Variants in MITF observed in about 807,000 individuals in gnomAD.
MITF encodes the protein microphthalmia-associated transcription factor.
A neutral mutation model predicts 60.5 loss-of-function variants in MITF; 17 were observed. The ratio of observed to expected loss-of-function variants is 0.28; its 90% CI spans 0.19 to 0.42. The LOEUF (loss-of-function observed/expected upper bound fraction) is 0.42. Among genes scored for constraint, MITF ranks in the 10% least tolerant of loss-of-function variants. The pLI is 1.00. For missense variants in MITF, 622 were observed against 683.5 expected, an observed-to-expected ratio of 0.91 and a Z score of 1.00; for synonymous variants, 260 against 248.5, an observed-to-expected ratio of 1.05 and a Z score of -0.43.
chr3:69,878,536 C>G (rs909401791), intron 1 of MITF, among the ~76,000 whole-genome samples: 2 of 152,118 alleles, frequency 1.3e-5, no homozygotes, highest in Non-Finnish European at 1.5e-5. Context: ...TCTTCTGCCC[C>G]CTTACCCAAA....
In MITF at chr3:69,831,130, C is replaced by T. The variant is rs192834159; in HGVS notation, c.105-48004C>T. 3.2e-3 allele frequency among the ~76,000 whole-genome samples: 484 copies of T among 152,260 alleles called. 11 individuals are homozygous for T. The highest frequency in any genetic ancestry group is 0.029 in the Admixed American group (448 of 15,292). On this transcript the variant is annotated intron_variant, in intron 1 of 9. Coordinates refer to ENST00000352241, the MANE Select transcript of MITF (RefSeq NM_001354604.2). Reference sequence around the variant, plus strand: ...GTCAAGCAGTTAGCATAGTACCATACTTAAATATTGGTTGCAATAATGCTG... The same window carrying T: ...GTCAAGCAGTTAGCATAGTACCATATTTAAATATTGGTTGCAATAATGCTG...
At position 69,966,484 on chromosome 3, in the gene MITF, T is replaced by C. The variant is rs1258246953; in HGVS notation, c.*1236T>C. ...TATTTTTAGGACATGAAAATAGCAATATTCTTGGAGATTGATAACCATAGC... is the reference window on the plus strand; with the variant it reads ...TATTTTTAGGACATGAAAATAGCAACATTCTTGGAGATTGATAACCATAGC... On this transcript the variant is annotated 3_prime_UTR_variant, in exon 10 of 10. Transcript: ENST00000352241. 1 of 232,716 alleles carries C rather than the reference T, an allele frequency of 4.3e-6. No individual in the cohort carries two copies. The highest frequency in any genetic ancestry group is 8.5e-6 in the Non-Finnish European group (1 of 117,572). 14.4% of individuals were successfully genotyped at this position (232,716 alleles called of 1,614,324 possible).
At chr3:69,827,614 C>T (rs1431757382) in intron 1 of MITF, among the ~76,000 whole-genome samples, 2 of 152,078 alleles carry the variant, frequency 1.3e-5, no homozygotes, top group Non-Finnish European at 2.9e-5. Flanking sequence ...AGAGAGCAAT[C>T]GGTAGGAAGG....
chr3:69,795,031 T>G (rs1395117175), intron 1 of MITF, among the ~76,000 whole-genome samples: 3 of 152,212 alleles, frequency 2.0e-5, no homozygotes, highest in African/African-American at 4.8e-5. Context: ...GGTTCTTTCC[T>G]AGGTGAGGAT....
In MITF at chr3:69,939,086, G is replaced by C; in HGVS notation, c.583-12G>C. The C allele has an allele frequency of 6.2e-7, 1 of 1,613,672 alleles. No individual in the cohort carries two copies. The highest frequency in any genetic ancestry group is 8.5e-7 in the Non-Finnish European group (1 of 1,179,848). On this transcript the variant is annotated splice_polypyrimidine_tract_variant and intron_variant, in intron 3 of 9. Coordinates refer to ENST00000352241, the MANE Select transcript of MITF (RefSeq NM_001354604.2). ...TCCAAGTTATAGACTGTTTTTGCTT[G>C]TGTTTTTGCAGGGATTTTATAAGTT...
chr3:69,898,766 A>C (rs1428163984), intron 2 of MITF, among the ~76,000 whole-genome samples: 1 of 152,164 alleles, frequency 6.6e-6, no homozygotes, highest in Non-Finnish European at 1.5e-5. Context: ...GATCACTGTG[A>C]CCTTGGAAAG....
intron 2 of MITF, among the ~76,000 whole-genome samples, chr3:69,905,561 T>C (rs2065081198): frequency 6.6e-6 from 1 of 152,158 alleles, no homozygotes. Context: ...AGTGCCAAAC[T>C]TGCTTTCCTA....
intron 1 of MITF, among the ~76,000 whole-genome samples, chr3:69,759,215 A>C (rs2062175701): frequency 6.6e-6 from 1 of 152,220 alleles, no homozygotes; most frequent in African/African-American, 2.4e-5. Flanking sequence ...AAGACACATT[A>C]TTTAATATAT....
chr3:69,746,384 C>G (rs912949301), intron 1 of MITF, among the ~76,000 whole-genome samples: 4 of 152,118 alleles, frequency 2.6e-5, no homozygotes, highest in African/African-American at 9.7e-5. Flanking sequence ...ATCAAAGTTA[C>G]TAAATTTCCC....
intron 1 of MITF, among the ~76,000 whole-genome samples, chr3:69,758,432 A>G (rs2062163158): frequency 6.6e-6 from 1 of 152,118 alleles, no homozygotes; most frequent in Admixed American, 6.5e-5. Context: ...CAGAGTCCCA[A>G]AGCACTGTGA....
intron 1 of MITF, among the ~76,000 whole-genome samples, chr3:69,842,657 C>G (rs564085141): frequency 6.6e-6 from 1 of 152,164 alleles, no homozygotes; most frequent in Admixed American, 6.5e-5. Flanking sequence ...GACAGAATCA[C>G]GCACAAGCAA....
intron 1 of MITF, among the ~76,000 whole-genome samples, chr3:69,818,153 G>A (rs2063211012): frequency 6.6e-6 from 1 of 152,162 alleles, no homozygotes; most frequent in South Asian, 2.1e-4. Context: ...TCCCCTTTGA[G>A]TGGATCAACT....
intron 3 of MITF, chr3:69,938,429 C>T: frequency 6.5e-7 from 1 of 1,530,742 alleles, no homozygotes; most frequent in Non-Finnish European, 8.8e-7. Context: ...AGGTGTGGGA[C>T]ATGCTGTTTA....
chr3:69,793,734 C>T (rs1351221465), intron 1 of MITF, among the ~76,000 whole-genome samples: 2 of 152,198 alleles, frequency 1.3e-5, no homozygotes, highest in African/African-American at 4.8e-5. Context: ...TGTAATGTCA[C>T]ATGCATTAGA....
At chr3:69,769,241 A>C (rs1297587428) in intron 1 of MITF, among the ~76,000 whole-genome samples, 1 of 152,170 alleles carries the variant, frequency 6.6e-6, no homozygotes, top group Non-Finnish European at 1.5e-5. Context: ...TGATGATAAT[A>C]ATAATTATGG....
intron 5 of MITF, among the ~76,000 whole-genome samples, chr3:69,947,846 A>G (rs1293984456): frequency 2.0e-5 from 3 of 152,144 alleles, no homozygotes; most frequent in Non-Finnish European, 4.4e-5. Flanking sequence ...CTATCACAGA[A>G]ATAGATGCAA....
chr3:69,903,112 A>C (rs2065028833), intron 2 of MITF, among the ~76,000 whole-genome samples: 1 of 152,232 alleles, frequency 6.6e-6, no homozygotes, highest in African/African-American at 2.4e-5. Flanking sequence ...CATAGAGATG[A>C]AAATGCAATG....
At chr3:69,835,807 G>A (rs536424690) in intron 1 of MITF, among the ~76,000 whole-genome samples, 1 of 152,100 alleles carries the variant, frequency 6.6e-6, no homozygotes, top group East Asian at 1.9e-4. Flanking sequence ...TTTATTTCTG[G>A]GTTCTCTATT....
chr3:69,791,257 T>C (rs1424860690), intron 1 of MITF, among the ~76,000 whole-genome samples: 1 of 152,160 alleles, frequency 6.6e-6, no homozygotes, highest in East Asian at 1.9e-4. Flanking sequence ...CTGAGGGGGA[T>C]TGTGAAATCC....
Sources: gnomAD v4.1 joint callset for allele counts (sites outside exome capture counted in the v4.1 genomes callset) on GRCh38, gnomAD v4.1.1 for gene constraint, MANE v1.5 for transcripts, NCBI Gene and HGNC (gene_info 2026-07-23, HGNC 2026-07-21) for gene names.